LCT: variants seen among roughly 807,000 people sequenced by gnomAD.
LCT encodes lactase.
LCT carries 90 observed loss-of-function variants against 173.0 expected under a neutral mutation model. The observed-to-expected ratio is 0.52, with a 90% CI of 0.44 to 0.62. The LOEUF is 0.62. Among genes scored for constraint, LCT ranks in the 20% least tolerant of loss-of-function variants. LCT has a pLI of 0.00. For synonymous variants in LCT, 853 were observed against 957.6 expected (o/e 0.89, Z 2.02); for missense variants, 1,864 against 2,431.4 (o/e 0.77, Z 4.91).
chr2:135,795,849 C>T (rs1350438890), intron 13 of LCT, among the ~76,000 whole-genome samples: 1 of 151,992 alleles, frequency 6.6e-6, no homozygotes, highest in African/African-American at 2.4e-5. Context: ...CAACCTCAGT[C>T]TCCTGGGCTC....
intron 1 of LCT, among the ~76,000 whole-genome samples, chr2:135,836,168 G>C (rs746519383): frequency 1.3e-5 from 2 of 151,580 alleles, no homozygotes; most frequent in Non-Finnish European, 2.9e-5. Flanking sequence ...ACAGGCGCCT[G>C]CTACCATCCC....
chr2:135,810,893 GA>G (rs2077729556), intron 7 of LCT, among the ~76,000 whole-genome samples: 2 of 152,080 alleles, frequency 1.3e-5, no homozygotes, highest in African/African-American at 4.8e-5. Flanking sequence ...CGGGCGTGGT[GA>G]CGGGAGCCTG....
intron 7 of LCT, among the ~76,000 whole-genome samples, chr2:135,810,656 G>A (rs1354062793): frequency 3.3e-5 from 5 of 151,680 alleles, no homozygotes; most frequent in Non-Finnish European, 7.4e-5. Context: ...TTGACATTAA[G>A]TGACAACATA....
At chr2:135,812,995 TAATAAC>T (rs2077748275) in intron 6 of LCT, 39 bp from the exon 7 acceptor site, 1 of 1,580,518 alleles carries the variant, frequency 6.3e-7, no homozygotes, top group Admixed American at 1.7e-5. Context: ...TGATTAGTAA[TAATAAC>T]AATGACAACA....
chr2:135,796,181 A>C (rs1473758718), intron 13 of LCT, among the ~76,000 whole-genome samples: 1 of 152,254 alleles, frequency 6.6e-6, no homozygotes. Context: ...GCATGCCCAC[A>C]GGGAGACCTG....
intron 3 of LCT, among the ~76,000 whole-genome samples, chr2:135,829,113 C>A (rs2077911558): frequency 6.6e-6 from 1 of 152,048 alleles, no homozygotes; most frequent in African/African-American, 2.4e-5. Flanking sequence ...ATCGCTTGAA[C>A]CCGGGAGGTG....
chr2:135,809,323 C>A lies in LCT; in HGVS notation c.3024G>T (p.Val1008=). The A allele has an allele frequency of 6.2e-7, 1 of 1,614,210 alleles. No individual in the cohort carries two copies. Among genetic ancestry groups the A allele is most frequent in the African/African-American group, 1.3e-5 (1 of 75,050 alleles). Residue 1008 remains valine (V), a synonymous_variant, in exon 8 of 17, where the codon GTG becomes GTT. Transcript: ENST00000264162. This position sits in a 1 kb window ranked among gnomAD's most constrained non-coding sequence, Gnocchi z 5.5. ...DYYNRLINGL[V]ASNIFPMVTL... is the part of the protein sequence containing the mutation. ...TCACCATGGGAAAGATGTTGCTTGC[C>A]ACCAAGCCATTGATCAGCCTGTTGT...
At chr2:135,797,973 A>G (rs141348632) in intron 13 of LCT, 56 bp downstream of exon 13, 30 of 943,864 alleles carry the variant, frequency 3.2e-5, no homozygotes, top group Non-Finnish European at 5.3e-5. Flanking sequence ...TGCCCGAGAC[A>G]TGCCTCTGTG....
In LCT at chr2:135,817,683, G is replaced by A; in HGVS notation, c.1365C>T (p.Ile455=). 6.2e-7 allele frequency: 1 copy of A among 1,614,000 alleles called. No individual in the cohort carries two copies. The highest frequency in any genetic ancestry group is 8.5e-7 in the Non-Finnish European group (1 of 1,180,042). The change falls in exon 6 of 17, where the codon ATC becomes ATT. Residue 455 remains isoleucine (I), a synonymous_variant. Coordinates refer to ENST00000264162, the MANE Select transcript of LCT (RefSeq NM_002299.4). ...GLRAQVYKFS[I]SWSRIFPMGH... is the part of the protein sequence containing the mutation. ...CCATGGGGAAGATCCGGGACCAGGAGATGGAGAACTTGTACACCTGAGCCC... is the reference window on the plus strand; with the variant it reads ...CCATGGGGAAGATCCGGGACCAGGAAATGGAGAACTTGTACACCTGAGCCC...
intron 8 of LCT, among the ~76,000 whole-genome samples, 177 bp downstream of exon 8, chr2:135,808,266 T>A (rs184134053): frequency 6.6e-6 from 1 of 152,092 alleles, no homozygotes; most frequent in Non-Finnish European, 1.5e-5. Context: ...AACCATAGCC[T>A]TTTTTCCCCC....
rs79326512 is a variant in LCT at position 135,808,750 on chromosome 2, C to T, written c.3597G>A (p.Ala1199=). The change falls in exon 8 of 17, where the codon GCG becomes GCA. Residue 1199 remains alanine, a synonymous_variant. Coordinates refer to ENST00000264162, the MANE Select transcript of LCT (RefSeq NM_002299.4). The part of the protein sequence containing the change: ...FTEEEKRFIR[A]TADVFCLNTY... The stretch of plus-strand genomic sequence containing the variant: ...TGTTGAGGCAGAAGACGTCGGCCGT[C>T]GCCCTGATGAACCTCTTCTCTTCCT... 487 of 1,614,166 alleles carry T rather than the reference C, an allele frequency of 3.0e-4. No homozygotes were observed. The African/African-American group carries it at 5.1e-3, about 17-fold the overall frequency.
At chr2:135,826,861 G>A (rs904510466) in intron 3 of LCT, among the ~76,000 whole-genome samples, 3 of 152,186 alleles carry the variant, frequency 2.0e-5, no homozygotes, top group African/African-American at 4.8e-5. Context: ...ACAGGCCCTG[G>A]GCAGCAAGCA....
chr2:135,796,096 G>A (rs1325679123), intron 13 of LCT, among the ~76,000 whole-genome samples: 1 of 152,176 alleles, frequency 6.6e-6, no homozygotes, highest in East Asian at 1.9e-4. Context: ...CAGGCACTCT[G>A]AGTGAAAAGC....
intron 1 of LCT, among the ~76,000 whole-genome samples, chr2:135,833,441 CTTTTTTT>C (rs35636116): frequency 1.9e-5 from 1 of 53,940 alleles, no homozygotes; most frequent in African/African-American, 8.2e-5. Context: ...TCCTAAACTT[CTTTTTTT>C]TTTTTTTTTT....
At chr2:135,803,701 G>A (rs149372630) in intron 11 of LCT, among the ~76,000 whole-genome samples, 8 of 152,304 alleles carry the variant, frequency 5.3e-5, no homozygotes, top group Admixed American at 1.3e-4. Context: ...ACCTGAGGCC[G>A]ATCAGAGTCA....
At chr2:135,798,562 C>G (rs2077600882) in intron 12 of LCT, among the ~76,000 whole-genome samples, 1 of 152,208 alleles carries the variant, frequency 6.6e-6, no homozygotes, top group Non-Finnish European at 1.5e-5. Context: ...GCAAACAGAA[C>G]TTTCTGGGGA....
intron 1 of LCT, among the ~76,000 whole-genome samples, chr2:135,835,149 A>G (rs972059663): frequency 2.0e-5 from 3 of 152,198 alleles, no homozygotes; most frequent in Admixed American, 6.5e-5. Context: ...GAAAATTAGA[A>G]TAAACATACA....
At position 135,822,279 on chromosome 2, in the gene LCT, A is replaced by C. The variant is rs76304370; in HGVS notation, c.908-181T>G. 2.6e-3 allele frequency: 1,553 copies of C among 596,034 alleles called. 15 individuals carry two copies. The African/African-American group carries it at 0.026, about 10-fold the overall frequency. The allele number at this position is 596,034 out of a possible 1,614,324, so 36.9% of individuals were successfully genotyped here. A position where few individuals can be genotyped will look rare whatever the true frequency, so the allele number is the denominator to read the frequency against. ...GCTTAGAAGTGAATTCTACTTACTT[A>C]TTACTTAAAAGTGGTTCTCAAACTT... On this transcript the variant is annotated intron_variant, in intron 4 of 16. Transcript: ENST00000264162.
rs952724083 is a variant in LCT, at chr2:135,810,278, C to T, written c.2354-285G>A. On this transcript the variant is annotated intron_variant, in intron 7 of 16. Transcript: ENST00000264162. ...GAGATAAGTTATTACCTCGGACCAG[C>T]GAGGACTGTTTTTCAATAAAATAGT... 2.4e-5 allele frequency: 8 copies of T among 337,386 alleles called. No homozygotes were observed. In the Admixed American group the frequency reaches 2.6e-4, roughly 11 times the overall value. The allele number at this position is 337,386 out of a possible 1,614,324, so 20.9% of individuals were successfully genotyped here.
Sources: gnomAD v4.1 joint callset for allele counts (sites outside exome capture counted in the v4.1 genomes callset) on GRCh38, gnomAD v4.1.1 for gene constraint, Gnocchi (gnomAD v3.1) non-coding constraint, MANE v1.5 for transcripts, NCBI Gene and HGNC (gene_info 2026-07-23, HGNC 2026-07-21) for gene names.